Variants in PDE4B observed in about 807,000 individuals in gnomAD.
PDE4B encodes phosphodiesterase 4B, also known as 3',5'-cyclic-AMP phosphodiesterase 4B.
PDE4B carries 20 observed loss-of-function variants against 82.2 expected under a neutral mutation model. The ratio of observed to expected loss-of-function variants is 0.24; its 90% CI spans 0.17 to 0.35. The LOEUF is 0.35. Among genes scored for constraint, PDE4B ranks in the 10% least tolerant of loss-of-function variants. The pLI, the probability that PDE4B is intolerant of heterozygous loss-of-function variation, is 1.00. For missense variants in PDE4B, 655 were observed against 907.2 expected (o/e 0.72, Z 3.57); for synonymous variants, 320 against 318.9 (o/e 1.00, Z -0.04).
intron 7 of PDE4B, among the ~76,000 whole-genome samples, chr1:66,318,099 G>C (rs985720618): frequency 3.3e-5 from 5 of 152,120 alleles, no homozygotes; most frequent in African/African-American, 1.2e-4. Flanking sequence ...CTGGGGTTTA[G>C]CCTGGGAATC....
At chr1:66,276,514 A>G (rs1045209171) in intron 7 of PDE4B, among the ~76,000 whole-genome samples, 1 of 152,242 alleles carries the variant, frequency 6.6e-6, no homozygotes, top group African/African-American at 2.4e-5. Context: ...TGGACTACCA[A>G]CAACCTTAAT....
intron 1 of PDE4B, among the ~76,000 whole-genome samples, chr1:65,859,682 T>C (rs1381500032): frequency 6.6e-6 from 1 of 152,166 alleles, no homozygotes; most frequent in African/African-American, 2.4e-5. Context: ...CAACAATGAT[T>C]AGACCAATGG....
chr1:66,237,214 G>A (rs1337544249), intron 3 of PDE4B, among the ~76,000 whole-genome samples: 2 of 152,160 alleles, frequency 1.3e-5, no homozygotes, highest in Non-Finnish European at 2.9e-5. Flanking sequence ...GCTGTCTGCA[G>A]GTGCAGTGTT....
intron 7 of PDE4B, among the ~76,000 whole-genome samples, chr1:66,282,770 A>G (rs1656388574): frequency 6.6e-6 from 1 of 152,084 alleles, no homozygotes; most frequent in African/African-American, 2.4e-5. Context: ...TTAGAATTCA[A>G]TCTTACTTCA....
At chr1:66,189,472 A>G (rs891195793) in intron 3 of PDE4B, among the ~76,000 whole-genome samples, 4 of 152,278 alleles carry the variant, frequency 2.6e-5, no homozygotes, top group African/African-American at 9.6e-5. Context: ...AGGTACACCA[A>G]TCAGACGTAG....
At chr1:66,116,509 T>C (rs1239648967) in intron 3 of PDE4B, among the ~76,000 whole-genome samples, 1 of 152,166 alleles carries the variant, frequency 6.6e-6, no homozygotes, top group Non-Finnish European at 1.5e-5. Context: ...CTTCCAATTT[T>C]TTTGCCTCAA....
chr1:66,132,889 C>T (rs1645979161), intron 3 of PDE4B, among the ~76,000 whole-genome samples: 1 of 152,124 alleles, frequency 6.6e-6, no homozygotes, highest in South Asian at 2.1e-4. Context: ...CAAGGTCATC[C>T]AACTTGTTTA....
intron 7 of PDE4B, among the ~76,000 whole-genome samples, chr1:66,319,053 A>C (rs1396909201): frequency 6.6e-6 from 1 of 152,248 alleles, no homozygotes; most frequent in Non-Finnish European, 1.5e-5. Context: ...TCAACTGGTA[A>C]AGACTGTATA....
intron 3 of PDE4B, among the ~76,000 whole-genome samples, chr1:66,002,148 T>C (rs980650022): frequency 1.3e-5 from 2 of 152,188 alleles, no homozygotes; most frequent in Non-Finnish European, 2.9e-5. Context: ...GCATTTTGTA[T>C]TGTCAAGTTT....
At chr1:66,032,375 G>A (rs574972936) in intron 3 of PDE4B, among the ~76,000 whole-genome samples, 1 of 152,236 alleles carries the variant, frequency 6.6e-6, no homozygotes, top group South Asian at 2.1e-4. Context: ...GGAGGCTATA[G>A]TTTATGCTTT....
chr1:65,961,314 CAA>C (rs199917342), intron 3 of PDE4B, among the ~76,000 whole-genome samples: 2 of 152,134 alleles, frequency 1.3e-5, no homozygotes, highest in East Asian at 3.9e-4. Flanking sequence ...GCAGAGAGAA[CAA>C]AAAGTCAAAG....
chr1:66,301,082 G>A (rs982028737), intron 7 of PDE4B, among the ~76,000 whole-genome samples: 4 of 152,232 alleles, frequency 2.6e-5, no homozygotes, highest in South Asian at 2.1e-4. Flanking sequence ...GAGACACTTA[G>A]AAGAAAAGTT....
At chr1:65,918,482 A>G (rs748911348) in intron 2 of PDE4B, 115 bp from the exon 3 acceptor site, 5 of 647,506 alleles carry the variant, frequency 7.7e-6, no homozygotes, top group South Asian at 3.8e-5. Flanking sequence ...TGATTGTGAG[A>G]TAATCAGGAC....
At chr1:65,811,729 G>T (rs1459305850) in intron 1 of PDE4B, among the ~76,000 whole-genome samples, 1 of 152,054 alleles carries the variant, frequency 6.6e-6, no homozygotes, top group Non-Finnish European at 1.5e-5. Context: ...GTACATGATA[G>T]CTACTAGTAA....
intron 3 of PDE4B, among the ~76,000 whole-genome samples, chr1:66,123,775 TA>T (rs1299168961): frequency 6.6e-6 from 1 of 152,176 alleles, no homozygotes; most frequent in Non-Finnish European, 1.5e-5. Context: ...TCAAAATACG[TA>T]GAAGAATGAA....
chr1:66,120,728 A>G (rs1194395926), intron 3 of PDE4B, among the ~76,000 whole-genome samples: 2 of 151,942 alleles, frequency 1.3e-5, no homozygotes, highest in East Asian at 1.9e-4. Flanking sequence ...TGCACTCTCT[A>G]TTTTGCACTG....
At chr1:66,080,001 TC>T (rs1656640335) in intron 3 of PDE4B, among the ~76,000 whole-genome samples, 1 of 152,168 alleles carries the variant, frequency 6.6e-6, no homozygotes, top group Non-Finnish European at 1.5e-5. Flanking sequence ...AGCAATTATT[TC>T]ATCCCAACAA....
chr1:65,852,108 A>T (rs558390325), intron 1 of PDE4B, among the ~76,000 whole-genome samples: 2 of 151,952 alleles, frequency 1.3e-5, no homozygotes, highest in African/African-American at 4.8e-5. Context: ...TTAGTGCTGG[A>T]TTCTATTTCC....
intron 3 of PDE4B, chr1:65,993,109 G>A (rs1263874314): frequency 3.7e-6 from 6 of 1,613,568 alleles, no homozygotes; most frequent in Admixed American, 1.7e-5. Flanking sequence ...AAAAGCATTC[G>A]GCAGCGTCGT....
Sources: gnomAD v4.1 joint callset for allele counts (sites outside exome capture counted in the v4.1 genomes callset) on GRCh38, gnomAD v4.1.1 for gene constraint, MANE v1.5 for transcripts, NCBI Gene and HGNC (gene_info 2026-07-23, HGNC 2026-07-21) for gene names.